The following IMMP2L variants were observed in gnomAD, a reference collection of about 807,000 sequenced individuals.
The protein encoded by IMMP2L is inner mitochondrial membrane peptidase subunit 2, also known as mitochondrial inner membrane protease subunit 2.
A neutral mutation model predicts 19.3 loss-of-function variants in IMMP2L; 18 were observed. That is an observed-to-expected ratio of 0.93 (90% CI 0.64 to 1.38). The LOEUF (loss-of-function observed/expected upper bound fraction) is 1.38. IMMP2L is among the 40% of genes most tolerant of loss of function. The probability of loss-of-function intolerance (pLI) is 0.00; values close to 1 mark genes in which losing one functional copy is unlikely to be tolerated. For synonymous variants in IMMP2L, 76 were observed against 73.0 expected, an observed-to-expected ratio of 1.04 and a Z score of -0.21; for missense variants, 233 against 218.2, an observed-to-expected ratio of 1.07 and a Z score of -0.43.
At chr7:111,377,355 T>C (rs148994459) in intron 3 of IMMP2L, among the ~76,000 whole-genome samples, 46 of 151,958 alleles carry the variant, frequency 3.0e-4, no homozygotes, top group African/African-American at 1.1e-3. Flanking sequence ...ATAGTACAGC[T>C]CTATAGTATA....
At chr7:110,994,741 T>C (rs189188901) in intron 3 of IMMP2L, among the ~76,000 whole-genome samples, 4 of 152,288 alleles carry the variant, frequency 2.6e-5, no homozygotes, top group Admixed American at 2.6e-4. Flanking sequence ...AAGTAACCAA[T>C]GCAACCATCT....
intron 5 of IMMP2L, among the ~76,000 whole-genome samples, chr7:110,773,618 A>G (rs1469097966): frequency 2.0e-5 from 3 of 152,266 alleles, no homozygotes; most frequent in African/African-American, 7.2e-5. Flanking sequence ...TATAAACACA[A>G]AAACAAAAAT....
intron 3 of IMMP2L, among the ~76,000 whole-genome samples, chr7:111,067,664 C>T (rs1230116902): frequency 6.6e-6 from 1 of 152,096 alleles, no homozygotes; most frequent in Non-Finnish European, 1.5e-5. Flanking sequence ...CAGAAAAGCA[C>T]TATTTCGTAG....
At chr7:110,772,070 A>C (rs1048955022) in intron 5 of IMMP2L, among the ~76,000 whole-genome samples, 2 of 152,134 alleles carry the variant, frequency 1.3e-5, no homozygotes, top group African/African-American at 4.8e-5. Context: ...AAACCCTCCA[A>C]AAGCTGCCTG....
At chr7:111,453,086 G>T (rs1839363883) in intron 3 of IMMP2L, among the ~76,000 whole-genome samples, 1 of 152,078 alleles carries the variant, frequency 6.6e-6, no homozygotes. Context: ...GATTCTAATT[G>T]CATGTGATTT....
chr7:111,046,105 T>C (rs1792367155), intron 3 of IMMP2L, among the ~76,000 whole-genome samples: 1 of 151,894 alleles, frequency 6.6e-6, no homozygotes, highest in South Asian at 2.1e-4. Context: ...GACATGTCCA[T>C]AAAATAAAAC....
At chr7:111,441,039 G>C (rs1261810091) in intron 3 of IMMP2L, among the ~76,000 whole-genome samples, 1 of 151,852 alleles carries the variant, frequency 6.6e-6, no homozygotes, top group African/African-American at 2.4e-5. Flanking sequence ...AAGGAAGTCA[G>C]GCCCTTGCTC....
chr7:111,272,289 T>C (rs956893287), intron 3 of IMMP2L, among the ~76,000 whole-genome samples: 4 of 152,180 alleles, frequency 2.6e-5, no homozygotes, highest in Non-Finnish European at 5.9e-5. Flanking sequence ...CTCATGCTAA[T>C]GTCTATAAAC....
At chr7:111,330,358 A>G (rs1388768613) in intron 3 of IMMP2L, among the ~76,000 whole-genome samples, 1 of 151,836 alleles carries the variant, frequency 6.6e-6, no homozygotes, top group Non-Finnish European at 1.5e-5. Context: ...AAGACAGGAA[A>G]AAGAAGATAC....
chr7:111,304,512 A>ATGTGTATATATACATATATATAACG (rs1275403723), intron 3 of IMMP2L, among the ~76,000 whole-genome samples: 7 of 151,956 alleles, frequency 4.6e-5, no homozygotes, highest in Admixed American at 1.3e-4. Flanking sequence ...TATATATAAA[A>ATGTGTATATATACATATATATAACG]TGTGTATATA....
intron 4 of IMMP2L, among the ~76,000 whole-genome samples, chr7:110,916,846 T>C (rs1300262516): frequency 1.3e-5 from 2 of 152,198 alleles, no homozygotes; most frequent in Non-Finnish European, 2.9e-5. Context: ...GATACATTAA[T>C]GGTTCTCAAA....
intron 3 of IMMP2L, among the ~76,000 whole-genome samples, chr7:111,361,161 A>G (rs952743151): frequency 8.5e-5 from 13 of 152,212 alleles, no homozygotes; most frequent in Admixed American, 5.2e-4. Flanking sequence ...CCAATTTTCT[A>G]TATGTACAAA....
intron 3 of IMMP2L, among the ~76,000 whole-genome samples, chr7:111,105,944 C>T (rs919597497): frequency 1.7e-4 from 26 of 152,028 alleles, no homozygotes; most frequent in African/African-American, 6.3e-4. Flanking sequence ...GAATACACAA[C>T]ATCTCAATTC....
chr7:111,408,354 T>C (rs1001112196), intron 3 of IMMP2L, among the ~76,000 whole-genome samples: 3 of 151,720 alleles, frequency 2.0e-5, no homozygotes, highest in African/African-American at 7.3e-5. Context: ...TAGACAAATA[T>C]AAAGAATGCT....
chr7:111,129,129 A>G (rs1801602511), intron 3 of IMMP2L, among the ~76,000 whole-genome samples: 1 of 152,130 alleles, frequency 6.6e-6, no homozygotes, highest in African/African-American at 2.4e-5. Context: ...AAAAACAACT[A>G]AAAAGTTTAA....
At position 110,728,494 on chromosome 7, in the gene IMMP2L, G is replaced by A. The variant is rs568188106; in HGVS notation, c.409-64773C>T. ...AGCCTGGGCAACAGAGTGAGACTCC[G>A]TCTCAAAAAAATAAATAAAATAAAA... On this transcript the variant is annotated intron_variant, in intron 5 of 5. Transcript: ENST00000405709. The surrounding 1 kb of genome is among the most constrained non-coding windows in gnomAD (Gnocchi z 4.6). 8.6e-5 allele frequency among the ~76,000 whole-genome samples: 13 copies of A among 151,938 alleles called. No individual in the cohort carries two copies. Among genetic ancestry groups the A allele is most frequent in the African/African-American group, 1.9e-4 (8 of 41,374 alleles).
chr7:110,999,742 G>C (rs1366272847), intron 3 of IMMP2L, among the ~76,000 whole-genome samples: 2 of 152,064 alleles, frequency 1.3e-5, no homozygotes, highest in African/African-American at 4.8e-5. Flanking sequence ...GGCAATCACT[G>C]GTGGTCCATT....
In IMMP2L at chr7:111,003,618, C is replaced by T. The variant is rs185168227; in HGVS notation, c.240-40053G>A. Among the ~76,000 whole-genome samples the T allele has an allele frequency of 3.4e-3, 511 of 152,132 alleles. 3 individuals carry two copies. The highest frequency in any genetic ancestry group is 0.011 in the African/African-American group (462 of 41,498). On this transcript the variant is annotated intron_variant, in intron 3 of 5. Transcript: ENST00000405709. ...CCTCGATCTCCTGGGCTCACACAACCTTCCCACCTTAGCCTCCTGGGTGGC... is the reference window on the plus strand; with the variant it reads ...CCTCGATCTCCTGGGCTCACACAACTTTCCCACCTTAGCCTCCTGGGTGGC...
intron 3 of IMMP2L, among the ~76,000 whole-genome samples, chr7:111,414,942 G>T (rs1392593422): frequency 1.3e-5 from 2 of 151,710 alleles, no homozygotes; most frequent in African/African-American, 4.9e-5. Context: ...CTTCCCCTTG[G>T]GGGTGGGTAG....
Sources: allele counts gnomAD v4.1 joint callset (sites outside exome capture counted in the v4.1 genomes callset), GRCh38; gene constraint gnomAD v4.1.1; non-coding constraint Gnocchi (gnomAD v3.1); transcripts MANE v1.5; gene names NCBI Gene and HGNC (gene_info 2026-07-23, HGNC 2026-07-21).